Variants in ERC2 observed in about 807,000 individuals in gnomAD.
ERC2 encodes the protein ERC protein 2.
ERC2 carries 42 observed loss-of-function variants against 114.8 expected under a neutral mutation model. That is an observed-to-expected ratio of 0.37 (90% CI 0.29 to 0.47). The LOEUF (loss-of-function observed/expected upper bound fraction) is 0.47. ERC2 is among the 20% of genes least tolerant of loss of function. The pLI is 0.99. For synonymous variants in ERC2, 454 were observed against 425.5 expected (o/e 1.07, Z -0.82); for missense variants, 939 against 1,150.7 (o/e 0.82, Z 2.66).
chr3:56,186,829 G>A (rs758369015), intron 3 of ERC2, among the ~76,000 whole-genome samples: 2 of 152,146 alleles, frequency 1.3e-5, no homozygotes, highest in African/African-American at 2.4e-5. Flanking sequence ...ATAAGCCACC[G>A]CACCCGGCCA....
intron 14 of ERC2, among the ~76,000 whole-genome samples, chr3:55,851,769 G>C (rs201466500): frequency 1.9e-4 from 28 of 147,790 alleles, no homozygotes; most frequent in African/African-American, 6.9e-4. Context: ...AAAAAAAAAA[G>C]AATCCTTTGG....
chr3:55,779,184 A>G (rs1233697064), intron 14 of ERC2, among the ~76,000 whole-genome samples: 1 of 152,102 alleles, frequency 6.6e-6, no homozygotes, highest in Admixed American at 6.5e-5. Context: ...TGGCTGCTTA[A>G]AAAGTTCTGG....
chr3:55,675,903 C>CTTTTTTTTTTTGTTTTTTTTTT (rs2061776510), intron 17 of ERC2, among the ~76,000 whole-genome samples: 1 of 47,994 alleles, frequency 2.1e-5, no homozygotes, highest in Non-Finnish European at 3.5e-5. Flanking sequence ...TCTTTTCTTT[C>CTTTTTTTTTTTGTTTTTTTTTT]TTTTTTTTTT....
At chr3:55,793,525 AG>A (rs1239521008) in intron 14 of ERC2, among the ~76,000 whole-genome samples, 1 of 152,202 alleles carries the variant, frequency 6.6e-6, no homozygotes, top group African/African-American at 2.4e-5. Flanking sequence ...TAAAGTTTAG[AG>A]GGGCAGTGGG....
At chr3:55,886,667 C>T (rs778198461) in intron 14 of ERC2, among the ~76,000 whole-genome samples, 2 of 152,096 alleles carry the variant, frequency 1.3e-5, no homozygotes, top group African/African-American at 2.4e-5. Context: ...CATATATTGA[C>T]ATTTATAATT....
At chr3:55,745,555 C>T (rs1315622352) in intron 14 of ERC2, among the ~76,000 whole-genome samples, 3 of 152,136 alleles carry the variant, frequency 2.0e-5, no homozygotes, top group African/African-American at 7.2e-5. Flanking sequence ...TATTCCCGTT[C>T]AGTAATAAGA....
chr3:56,038,173 A>C (rs982875852), intron 7 of ERC2, among the ~76,000 whole-genome samples: 4 of 152,204 alleles, frequency 2.6e-5, no homozygotes, highest in African/African-American at 9.6e-5. Flanking sequence ...AAATTTTTGC[A>C]ATCTATCCAT....
At chr3:56,041,763 C>T (rs1206676043) in intron 7 of ERC2, among the ~76,000 whole-genome samples, 1 of 152,116 alleles carries the variant, frequency 6.6e-6, no homozygotes, top group Admixed American at 6.6e-5. Flanking sequence ...TTCAAGTCCT[C>T]AGGTCCCTAG....
chr3:56,160,278 C>G (rs528434407), intron 4 of ERC2, among the ~76,000 whole-genome samples: 1 of 152,042 alleles, frequency 6.6e-6, no homozygotes, highest in Admixed American at 6.6e-5. Flanking sequence ...TGTCTTCTTT[C>G]GAGAAGTGTC....
chr3:56,136,151 C>T lies in ERC2; in HGVS notation c.1473+3358G>A, dbSNP rs534402550. Reference sequence around the variant, plus strand: ...AACCGAGACAGCTTGCCTCCTACACCTCACCCCACCCTTCATCCTACCAAC... The same window carrying T: ...AACCGAGACAGCTTGCCTCCTACACTTCACCCCACCCTTCATCCTACCAAC... On this transcript the variant is annotated intron_variant, in intron 6 of 17. Coordinates refer to ENST00000288221, the MANE Select transcript of ERC2 (RefSeq NM_015576.3). Among the ~76,000 whole-genome samples the T allele has an allele frequency of 1.9e-3, 289 of 152,270 alleles. 3 individuals are homozygous for T. Among genetic ancestry groups the T allele is most frequent in the African/African-American group, 6.6e-3 (273 of 41,572 alleles).
chr3:56,351,345 CT>C (rs1290888650), intron 2 of ERC2, among the ~76,000 whole-genome samples: 1 of 152,036 alleles, frequency 6.6e-6, no homozygotes, highest in Non-Finnish European at 1.5e-5. Flanking sequence ...TGTACGCATC[CT>C]TTTTCTTTCT....
chr3:55,775,236 A>T (rs1416381113), intron 14 of ERC2, among the ~76,000 whole-genome samples: 1 of 152,156 alleles, frequency 6.6e-6, no homozygotes, highest in Admixed American at 6.5e-5. Flanking sequence ...ACAGAAAAAG[A>T]AAGAGAGAGT....
At chr3:56,140,128 C>T (rs2080765598) in intron 5 of ERC2, among the ~76,000 whole-genome samples, 1 of 152,152 alleles carries the variant, frequency 6.6e-6, no homozygotes, top group African/African-American at 2.4e-5. Flanking sequence ...CAAGTAAGCA[C>T]TGGGGATCAT....
intron 17 of ERC2, among the ~76,000 whole-genome samples, chr3:55,516,417 A>G (rs1387404012): frequency 1.3e-5 from 2 of 152,194 alleles, no homozygotes. Flanking sequence ...TCTTGATAGA[A>G]GCAACCACCT....
intron 4 of ERC2, among the ~76,000 whole-genome samples, chr3:56,169,960 C>G (rs2082546033): frequency 1.3e-5 from 2 of 152,064 alleles, no homozygotes; most frequent in African/African-American, 4.8e-5. Flanking sequence ...AGAAAACAAG[C>G]CTTTCAACTG....
chr3:56,015,047 C>T (rs564274425), intron 8 of ERC2, among the ~76,000 whole-genome samples: 5 of 152,174 alleles, frequency 3.3e-5, no homozygotes, highest in Admixed American at 1.3e-4. Context: ...TAAATTGTTA[C>T]AGGATTTATA....
At chr3:55,733,554 A>T (rs1042226260) in intron 15 of ERC2, among the ~76,000 whole-genome samples, 5 of 142,448 alleles carry the variant, frequency 3.5e-5, no homozygotes, top group African/African-American at 1.1e-4. Flanking sequence ...ACACACACAC[A>T]CACACACACA....
At chr3:55,946,578 A>G (rs1180865611) in intron 13 of ERC2, among the ~76,000 whole-genome samples, 2 of 152,214 alleles carry the variant, frequency 1.3e-5, no homozygotes, top group African/African-American at 4.8e-5. Context: ...AGATTCTTTC[A>G]TAAACCTTAT....
intron 3 of ERC2, among the ~76,000 whole-genome samples, chr3:56,258,916 C>T (rs1278706235): frequency 6.6e-6 from 1 of 152,086 alleles, no homozygotes; most frequent in African/African-American, 2.4e-5. Context: ...GTATCTCTTT[C>T]ATTCACCAGG....
Sources: gnomAD v4.1 joint callset for allele counts (sites outside exome capture counted in the v4.1 genomes callset) on GRCh38, gnomAD v4.1.1 for gene constraint, MANE v1.5 for transcripts, NCBI Gene and HGNC (gene_info 2026-07-23, HGNC 2026-07-21) for gene names.